FGF14: variants seen among roughly 807,000 people sequenced by gnomAD.
FGF14 encodes the protein fibroblast growth factor homologous factor 4.
Under a neutral mutation model 25.5 loss-of-function variants are expected in FGF14, and 5 were observed. The observed-to-expected ratio is 0.20, with a 90% CI of 0.10 to 0.41. The LOEUF (loss-of-function observed/expected upper bound fraction) is 0.41, where lower values mean the gene tolerates loss of function less well. FGF14 is among the 10% of genes least tolerant of loss of function. The pLI, the probability that FGF14 is intolerant of heterozygous loss-of-function variation, is 1.00. For missense variants in FGF14, 222 were observed against 320.1 expected, an observed-to-expected ratio of 0.69 and a Z score of 2.34; for synonymous variants, 138 against 118.3, an observed-to-expected ratio of 1.17 and a Z score of -1.08.
chr13:102,359,671 T>G (rs946705622), intron 1 of FGF14, among the ~76,000 whole-genome samples: 15 of 152,204 alleles, frequency 9.9e-5, no homozygotes. Flanking sequence ...AATTAAAACT[T>G]CATTTTTAGC....
chr13:102,006,218 T>C (rs2039776080), intron 1 of FGF14, among the ~76,000 whole-genome samples: 1 of 152,210 alleles, frequency 6.6e-6, no homozygotes, highest in African/African-American at 2.4e-5. Context: ...TATTTGCAAC[T>C]TCATGTAAAT....
chr13:102,368,632 C>T (rs955034008), intron 1 of FGF14, among the ~76,000 whole-genome samples: 1 of 152,092 alleles, frequency 6.6e-6, no homozygotes, highest in African/African-American at 2.4e-5. Flanking sequence ...AATGCAGCTG[C>T]ATGACAGAAA....
chr13:101,942,436 TCA>T (rs1045277137), intron 1 of FGF14, among the ~76,000 whole-genome samples: 3 of 152,226 alleles, frequency 2.0e-5, no homozygotes, highest in African/African-American at 7.2e-5. Flanking sequence ...AAATAATTTT[TCA>T]CAGTTAAAAA....
rs149732250 is a variant in FGF14 at position 102,263,903 on chromosome 13, T to C, written c.208+137568A>G. On this transcript the variant is annotated intron_variant, in intron 1 of 4. Transcript: ENST00000376131. Reference sequence around the variant, plus strand: ...GAGTGTCATTTAGGGGCAGAATCAATTCGAAACTTTATTCTTTCCAAACTG... The same window carrying C: ...GAGTGTCATTTAGGGGCAGAATCAACTCGAAACTTTATTCTTTCCAAACTG... Among the ~76,000 whole-genome samples the C allele has an allele frequency of 2.0e-3, 304 of 152,186 alleles. 2 individuals are homozygous for C. Among genetic ancestry groups the C allele is most frequent in the Admixed American group, 0.013 (199 of 15,276 alleles).
chr13:101,788,584 C>G (rs1410478), intron 3 of FGF14, among the ~76,000 whole-genome samples: 132,826 of 151,832 alleles, frequency 0.87, 59,499 homozygotes, highest in East Asian at 1. Context: ...AATGTGACTT[C>G]GACATTACAT....
chr13:102,167,473 T>C (rs368176588), intron 1 of FGF14, among the ~76,000 whole-genome samples: 21 of 152,242 alleles, frequency 1.4e-4, no homozygotes, highest in African/African-American at 5.1e-4. Flanking sequence ...TCTGGCTTGC[T>C]TACTCAGACT....
chr13:102,182,556 G>A (rs1326618200), intron 1 of FGF14, among the ~76,000 whole-genome samples: 1 of 151,908 alleles, frequency 6.6e-6, no homozygotes. Flanking sequence ...CTTTAATTTT[G>A]TTGAACTTTG....
chr13:101,758,821 C>T (rs1307191892), intron 3 of FGF14, among the ~76,000 whole-genome samples: 1 of 152,112 alleles, frequency 6.6e-6, no homozygotes, highest in African/African-American at 2.4e-5. Flanking sequence ...TTCAAATCAG[C>T]AGTTCTGGGT....
chr13:102,000,188 G>A (rs191064911), intron 1 of FGF14, among the ~76,000 whole-genome samples: 290 of 152,146 alleles, frequency 1.9e-3, no homozygotes, highest in Non-Finnish European at 2.6e-3. Context: ...GCCTGGTGGC[G>A]GGCACCTGTA....
rs147550120 is a variant in FGF14, at chr13:102,192,705, C to T, written c.208+208766G>A. ...TTGTTTGTCAAAAATATCAATTTCACAAAACACTAGAACATGGTTAATCCA... is the reference window on the plus strand; with the variant it reads ...TTGTTTGTCAAAAATATCAATTTCATAAAACACTAGAACATGGTTAATCCA... On this transcript the variant is annotated intron_variant, in intron 1 of 4. Transcript: ENST00000376131. Among the ~76,000 whole-genome samples, 530 of 152,224 alleles carry T rather than the reference C, an allele frequency of 3.5e-3. 3 individuals are homozygous for T. The highest frequency in any genetic ancestry group is 0.03 in the South Asian group (144 of 4,814).
intron 1 of FGF14, among the ~76,000 whole-genome samples, chr13:102,296,237 T>C (rs1257886843): frequency 2.0e-5 from 3 of 152,198 alleles, no homozygotes; most frequent in African/African-American, 7.2e-5. Context: ...CTTTGTGTTC[T>C]ATATTAAAAT....
intron 1 of FGF14, among the ~76,000 whole-genome samples, chr13:102,069,286 AC>A (rs1184110420): frequency 6.6e-6 from 1 of 152,048 alleles, no homozygotes; most frequent in East Asian, 1.9e-4. Flanking sequence ...GACATGGAGA[AC>A]CTTTGTATCT....
At chr13:101,873,913 TAA>T (rs1783738892) in intron 2 of FGF14, among the ~76,000 whole-genome samples, 1 of 150,718 alleles carries the variant, frequency 6.6e-6, no homozygotes, top group Admixed American at 6.6e-5. Flanking sequence ...AATTTAAAAA[TAA>T]AAAAGAGTGA....
At chr13:101,785,653 G>GGAT (rs1480835113) in intron 3 of FGF14, among the ~76,000 whole-genome samples, 1 of 151,876 alleles carries the variant, frequency 6.6e-6, no homozygotes, top group Non-Finnish European at 1.5e-5. Flanking sequence ...CTTTAAAGTA[G>GGAT]GATACCTTAT....
At chr13:102,380,016 A>G (rs896378928) in intron 1 of FGF14, among the ~76,000 whole-genome samples, 1 of 152,158 alleles carries the variant, frequency 6.6e-6, no homozygotes. Context: ...TCTGAGTTTA[A>G]TACTCTCTGA....
intron 1 of FGF14, among the ~76,000 whole-genome samples, chr13:102,127,679 A>G (rs2046005773): frequency 6.6e-6 from 1 of 152,232 alleles, no homozygotes; most frequent in African/African-American, 2.4e-5. Context: ...TTAAATTCAT[A>G]AAATGTTGGT....
At chr13:101,870,890 T>G (rs1566351114) in intron 2 of FGF14, among the ~76,000 whole-genome samples, 1 of 151,982 alleles carries the variant, frequency 6.6e-6, no homozygotes, top group Non-Finnish European at 1.5e-5. Flanking sequence ...GAGGTGAAGG[T>G]TGCAGTGAGC....
chr13:102,082,957 C>CA (rs955540108), intron 1 of FGF14, among the ~76,000 whole-genome samples: 4 of 150,402 alleles, frequency 2.7e-5, no homozygotes, highest in Admixed American at 6.6e-5. Flanking sequence ...GACTCCGTCT[C>CA]AAAAAAAAGA....
chr13:101,756,785 A>T (rs894465279), intron 3 of FGF14, among the ~76,000 whole-genome samples: 1 of 152,150 alleles, frequency 6.6e-6, no homozygotes, highest in Non-Finnish European at 1.5e-5. Flanking sequence ...AAACTGTCCT[A>T]GAAAAGAAGC....
Sources: allele counts gnomAD v4.1 joint callset (sites outside exome capture counted in the v4.1 genomes callset), GRCh38; gene constraint gnomAD v4.1.1; transcripts MANE v1.5; gene names NCBI Gene and HGNC (gene_info 2026-07-23, HGNC 2026-07-21).